Variants in TAFA1 observed in about 807,000 individuals in gnomAD.
TAFA1 encodes TAFA chemokine like family member 1, also known as chemokine-like protein TAFA-1.
TAFA1 carries 4 observed loss-of-function variants against 18.5 expected under a neutral mutation model. The observed-to-expected ratio is 0.22, with a 90% CI of 0.11 to 0.49. The LOEUF (loss-of-function observed/expected upper bound fraction) is 0.49. Among genes scored for constraint, TAFA1 ranks in the 20% least tolerant of loss-of-function variants. The pLI, the probability that TAFA1 is intolerant of heterozygous loss-of-function variation, is 0.98. For synonymous variants in TAFA1, 56 were observed against 55.2 expected (o/e 1.01, Z -0.06); for missense variants, 147 against 169.0 (o/e 0.87, Z 0.72).
intron 2 of TAFA1, among the ~76,000 whole-genome samples, chr3:68,064,681 GCTT>G (rs1198950850): frequency 6.6e-6 from 1 of 151,754 alleles, no homozygotes; most frequent in African/African-American, 2.4e-5. Context: ...GTCCAAGAAA[GCTT>G]CTTAACTCCT....
chr3:68,220,468 C>T (rs2066715634), intron 2 of TAFA1, among the ~76,000 whole-genome samples: 1 of 151,738 alleles, frequency 6.6e-6, no homozygotes, highest in African/African-American at 2.4e-5. Context: ...TTAATATGGT[C>T]TTATTTCTCC....
At chr3:68,296,769 T>C (rs1054655672) in intron 2 of TAFA1, among the ~76,000 whole-genome samples, 1 of 152,190 alleles carries the variant, frequency 6.6e-6, no homozygotes, top group Admixed American at 6.5e-5. Flanking sequence ...GTGCTTGGGT[T>C]ACAATGGTGA....
intron 2 of TAFA1, among the ~76,000 whole-genome samples, chr3:68,279,242 G>T (rs1431146033): frequency 6.6e-6 from 1 of 152,152 alleles, no homozygotes; most frequent in African/African-American, 2.4e-5. Context: ...TTTCAAGTCT[G>T]TGCAATGAGA....
chr3:68,088,176 G>A (rs1321961706), intron 2 of TAFA1, among the ~76,000 whole-genome samples: 1 of 152,066 alleles, frequency 6.6e-6, no homozygotes, highest in African/African-American at 2.4e-5. Context: ...ATGTGGACTT[G>A]GAAATAATAA....
chr3:68,144,672 T>C (rs914854616), intron 2 of TAFA1, among the ~76,000 whole-genome samples: 2 of 152,230 alleles, frequency 1.3e-5, no homozygotes, highest in African/African-American at 4.8e-5. Flanking sequence ...ACACCTTTTA[T>C]ATCAATCTCT....
intron 3 of TAFA1, among the ~76,000 whole-genome samples, chr3:68,476,760 A>T (rs2072105016): frequency 6.6e-6 from 1 of 152,168 alleles, no homozygotes; most frequent in South Asian, 2.1e-4. Flanking sequence ...TTTTTAAAGG[A>T]TATATAGAAC....
intron 2 of TAFA1, among the ~76,000 whole-genome samples, chr3:68,330,878 A>G (rs1050157515): frequency 2.6e-5 from 4 of 151,600 alleles, no homozygotes; most frequent in African/African-American, 9.7e-5. Context: ...TACTAGATTT[A>G]AATACCTTGA....
chr3:68,184,112 T>C (rs950913072), intron 2 of TAFA1, among the ~76,000 whole-genome samples: 3 of 152,174 alleles, frequency 2.0e-5, no homozygotes, highest in African/African-American at 7.2e-5. Flanking sequence ...TACATTCATA[T>C]GCCTCAGAGA....
chr3:68,324,138 G>T (rs2068737844), intron 2 of TAFA1, among the ~76,000 whole-genome samples: 1 of 151,750 alleles, frequency 6.6e-6, no homozygotes, highest in Non-Finnish European at 1.5e-5. Flanking sequence ...AGACCAAAAT[G>T]AATTAAGGAA....
chr3:68,214,106 G>C (rs976943380), intron 2 of TAFA1, among the ~76,000 whole-genome samples: 1 of 151,982 alleles, frequency 6.6e-6, no homozygotes, highest in African/African-American at 2.4e-5. Context: ...ATTAGTATTG[G>C]TTTCTTGGAT....
At chr3:68,155,666 A>T (rs2065859679) in intron 2 of TAFA1, among the ~76,000 whole-genome samples, 1 of 152,122 alleles carries the variant, frequency 6.6e-6, no homozygotes, top group Non-Finnish European at 1.5e-5. Context: ...ACAAGTTGGA[A>T]ATTAACAAAT....
chr3:68,337,396 T>C lies in TAFA1; in HGVS notation c.119-79884T>C, dbSNP rs141515848. Among the ~76,000 whole-genome samples, 701 of 152,226 alleles carry C rather than the reference T, an allele frequency of 4.6e-3. 9 individuals carry two copies. Among genetic ancestry groups the C allele is most frequent in the African/African-American group, 0.016 (659 of 41,534 alleles). On this transcript the variant is annotated intron_variant, in intron 2 of 4. Transcript: ENST00000478136. ...AGAACAAGGGGGAAATCCTCCCCCA[T>C]GATCCAATCACCTCCCACCAGGCCC...
intron 2 of TAFA1, among the ~76,000 whole-genome samples, chr3:68,055,843 T>A (rs193138200): frequency 2.0e-5 from 3 of 152,116 alleles, no homozygotes; most frequent in African/African-American, 7.2e-5. Flanking sequence ...TTCAACACTC[T>A]AGACAGTTCT....
chr3:68,412,736 A>G (rs1369307909), intron 2 of TAFA1, among the ~76,000 whole-genome samples: 1 of 152,064 alleles, frequency 6.6e-6, no homozygotes, highest in Non-Finnish European at 1.5e-5. Context: ...ATAGTATTCC[A>G]TGGTGTATAT....
intron 3 of TAFA1, among the ~76,000 whole-genome samples, chr3:68,457,043 G>A (rs1294853661): frequency 6.6e-6 from 1 of 152,164 alleles, no homozygotes; most frequent in African/African-American, 2.4e-5. Context: ...ACTGCAGTAT[G>A]CAATTTACTG....
At chr3:68,362,241 G>A (rs1192811189) in intron 2 of TAFA1, among the ~76,000 whole-genome samples, 1 of 152,092 alleles carries the variant, frequency 6.6e-6, no homozygotes, top group Non-Finnish European at 1.5e-5. Flanking sequence ...GGCCTAGAGG[G>A]ACTGCAAGGT....
intron 2 of TAFA1, among the ~76,000 whole-genome samples, chr3:68,321,434 GAGAA>G (rs1203176941): frequency 6.6e-6 from 1 of 152,156 alleles, no homozygotes; most frequent in Admixed American, 6.5e-5. Flanking sequence ...TGATGTTGGA[GAGAA>G]AGAAAGAGGG....
chr3:68,177,322 T>C (rs951299218), intron 2 of TAFA1, among the ~76,000 whole-genome samples: 4 of 152,172 alleles, frequency 2.6e-5, no homozygotes, highest in Admixed American at 6.5e-5. Flanking sequence ...CCAGCTCTTT[T>C]AGAAAACTGA....
intron 2 of TAFA1, among the ~76,000 whole-genome samples, chr3:68,166,183 A>G (rs1289909402): frequency 6.6e-6 from 1 of 152,194 alleles, no homozygotes; most frequent in Non-Finnish European, 1.5e-5. Flanking sequence ...GTCATTGTTA[A>G]GGTCTTATTT....
Sources: gnomAD v4.1 joint callset for allele counts (sites outside exome capture counted in the v4.1 genomes callset) on GRCh38, gnomAD v4.1.1 for gene constraint, MANE v1.5 for transcripts, NCBI Gene and HGNC (gene_info 2026-07-23, HGNC 2026-07-21) for gene names.